The following SYPL1 variants were observed in gnomAD, a reference collection of about 807,000 sequenced individuals.
SYPL1 encodes the protein synaptophysin-like protein 1.
A neutral mutation model predicts 23.7 loss-of-function variants in SYPL1; 6 were observed. That is an observed-to-expected ratio of 0.25 (90% CI 0.14 to 0.50). SYPL1 has a LOEUF of 0.50. SYPL1 is among the 20% of genes least tolerant of loss of function. The probability of loss-of-function intolerance (pLI) is 0.98; values close to 1 mark genes in which losing one functional copy is unlikely to be tolerated. For missense variants in SYPL1, 253 were observed against 288.9 expected (o/e 0.88, Z 0.90); for synonymous variants, 102 against 104.5 (o/e 0.98, Z 0.15).
upstream of SYPL1, chr7:106,112,458 A>T (rs1321292373): frequency 2.0e-6 from 3 of 1,477,406 alleles, no homozygotes; most frequent in Non-Finnish European, 2.7e-6. Context: ...GGAGACCGGG[A>T]GGCTTCTCCT....
rs544488856 is a variant in SYPL1 at position 106,091,921 on chromosome 7, T to C, written c.610A>G (p.Met204Val). ...NVSVIFGFLN[M>V]ILWGGNAWFV... The stretch of plus-strand genomic sequence containing the variant: ...CAAGCATTTCCTCCCCAGAGTATCA[T>C]ATTTAGAAAGCCAAATATCTATGAA... The change falls in exon 5 of 5, where the codon ATG (methionine) becomes GTG (valine). Residue 204 changes from methionine to valine, a missense_variant. Physicochemically the swap from Met to Val is conservative, Grantham distance 21 (BLOSUM62 1). Coordinates refer to ENST00000455385, the MANE Select transcript of SYPL1 (RefSeq NM_182715.4). This position sits in a 1 kb window ranked among gnomAD's most constrained non-coding sequence, Gnocchi z 5.0. 6.2e-7 allele frequency: 1 copy of C among 1,611,498 alleles called. No homozygotes were observed.
At chr7:106,112,416 G>C, upstream of SYPL1, 1 of 1,408,324 alleles carries the variant, frequency 7.1e-7, no homozygotes, top group Middle Eastern at 2.4e-4. Flanking sequence ...AACGGAGTGG[G>C]GCGGCTGGGG....
rs1839988468 is a variant in SYPL1 at position 106,095,761 on chromosome 7, A to C, written c.402+1929T>G. 6.6e-6 allele frequency among the ~76,000 whole-genome samples: 1 copy of C among 152,222 alleles called. No homozygotes were observed. The highest frequency in any genetic ancestry group is 1.5e-5 in the Non-Finnish European group (1 of 68,044). The stretch of plus-strand genomic sequence containing the variant: ...AAGAAGCACCCATTATGTAACAATA[A>C]AAACCTACTTAAGGAATTTTGGATT... On this transcript the variant is annotated intron_variant, in intron 3 of 4. Coordinates refer to ENST00000455385, the MANE Select transcript of SYPL1 (RefSeq NM_182715.4). This position sits in a 1 kb window ranked among gnomAD's most constrained non-coding sequence, Gnocchi z 4.3.
intron 4 of SYPL1, 87 bp from the exon 5 acceptor site, chr7:106,092,026 T>C: frequency 7.6e-7 from 1 of 1,318,188 alleles, no homozygotes; most frequent in African/African-American, 1.5e-5. Flanking sequence ...TTTCTTTAAA[T>C]ATTTAACATT....
chr7:106,106,264 G>C (rs1272184461), intron 1 of SYPL1, among the ~76,000 whole-genome samples: 1 of 152,098 alleles, frequency 6.6e-6, no homozygotes, highest in Non-Finnish European at 1.5e-5. Context: ...AAAGACTCTG[G>C]AGGCTGGGCA....
At chr7:106,107,120 T>C (rs1840642679) in intron 1 of SYPL1, among the ~76,000 whole-genome samples, 1 of 152,210 alleles carries the variant, frequency 6.6e-6, no homozygotes, top group Non-Finnish European at 1.5e-5. Flanking sequence ...TGTATGAGTG[T>C]TTACATGCAA....
At position 106,091,939 on chromosome 7, in the gene SYPL1, T is replaced by G. The variant is rs749772936; in HGVS notation, c.592A>C (p.Ile198Leu). ...TSMGSLNVSV[I>L]FGFLNMILWG... Reference sequence around the variant, plus strand: ...AGTATCATATTTAGAAAGCCAAATATCTATGAAAGAGAAAAAGAAATATGA... The same window carrying G: ...AGTATCATATTTAGAAAGCCAAATAGCTATGAAAGAGAAAAAGAAATATGA... The change falls in exon 5 of 5, where the codon ATA becomes CTA. Residue 198 changes from isoleucine to leucine, a missense_variant and splice_region_variant. Transcript: ENST00000455385. This position sits in a 1 kb window ranked among gnomAD's most constrained non-coding sequence, Gnocchi z 5.0. 6.3e-7 allele frequency: 1 copy of G among 1,595,910 alleles called. No homozygotes were observed. The highest frequency in any genetic ancestry group is 1.4e-5 in the African/African-American group (1 of 73,856).
chr7:106,104,209 ACT>A lies in SYPL1; in HGVS notation c.70-4929_70-4928del, dbSNP rs1270830443. Among the ~76,000 whole-genome samples the A allele has an allele frequency of 6.6e-6, 1 of 152,060 alleles. No homozygotes were observed. Among genetic ancestry groups the A allele is most frequent in the Non-Finnish European group, 1.5e-5 (1 of 68,024 alleles). On this transcript the variant is annotated intron_variant, in intron 1 of 4. Coordinates refer to ENST00000455385, the MANE Select transcript of SYPL1 (RefSeq NM_182715.4). The surrounding 1 kb of genome is among the most constrained non-coding windows in gnomAD (Gnocchi z 4.1). ...TAGACATTAACTCTATTATATATGAACTCTACTATAGGCATTTTTCTTGTGTA... is the reference window on the plus strand; with the variant it reads ...TAGACATTAACTCTATTATATATGAACTACTATAGGCATTTTTCTTGTGTA...
chr7:106,103,421 C>G (rs1310424393), intron 1 of SYPL1, among the ~76,000 whole-genome samples: 2 of 152,192 alleles, frequency 1.3e-5, no homozygotes, highest in African/African-American at 4.8e-5. Flanking sequence ...TTGGGACTAA[C>G]CCAGCAGACT....
chr7:106,094,733 T>C (rs1237456701), intron 3 of SYPL1, among the ~76,000 whole-genome samples: 1 of 152,336 alleles, frequency 6.6e-6, no homozygotes, highest in South Asian at 2.1e-4. Flanking sequence ...CTTTGATCAA[T>C]ATATGTCAAA....
In SYPL1 at chr7:106,100,507, T is replaced by G. The variant is rs1280138843; in HGVS notation, c.70-1225A>C. Among the ~76,000 whole-genome samples, 1 of 152,226 alleles carries G rather than the reference T, an allele frequency of 6.6e-6. No homozygotes were observed. The highest frequency in any genetic ancestry group is 1.5e-5 in the Non-Finnish European group (1 of 68,040). The stretch of plus-strand genomic sequence containing the variant: ...TCTCAAAGGAAGATAAATAATTCCT[T>G]TTTATTTTTGTACTTGTGAATTTTC... On this transcript the variant is annotated intron_variant, in intron 1 of 4. Transcript: ENST00000455385. This position sits in a 1 kb window ranked among gnomAD's most constrained non-coding sequence, Gnocchi z 5.1.
At chr7:106,103,444 T>C (rs1414687096) in intron 1 of SYPL1, among the ~76,000 whole-genome samples, 2 of 152,200 alleles carry the variant, frequency 1.3e-5, no homozygotes, top group African/African-American at 4.8e-5. Context: ...TTCTCACATT[T>C]CCAATTTCAT....
At position 106,109,497 on chromosome 7, in the gene SYPL1, A is replaced by T. The variant is rs147092068; in HGVS notation, c.69+2643T>A. ...GTGATGCCAAGGCATTATTTCCCTC[A>T]ATTTTCCTAACCATTCCTTCTCTCC... On this transcript the variant is annotated intron_variant, in intron 1 of 4. Transcript: ENST00000455385. This position sits in a 1 kb window ranked among gnomAD's most constrained non-coding sequence, Gnocchi z 4.3. Among the ~76,000 whole-genome samples, 46 of 152,206 alleles carry T rather than the reference A, an allele frequency of 3.0e-4. No individual in the cohort carries two copies. Among genetic ancestry groups the T allele is most frequent in the African/African-American group, 1.0e-3 (42 of 41,512 alleles).
intron 1 of SYPL1, among the ~76,000 whole-genome samples, chr7:106,105,279 CT>C (rs1158173880): frequency 6.6e-6 from 1 of 151,740 alleles, no homozygotes. Context: ...TGAAGGAGTA[CT>C]GGTGTTCTGA....
rs1420578788 is a variant in SYPL1 at position 106,095,350 on chromosome 7, T to TC, written c.403-2214_403-2213insG. ...AATTTTGGGTATCTCAAAAAAAACC[T>TC]TTTTTTTTTTTTCCCCTGAGATGGA... On this transcript the variant is annotated intron_variant, in intron 3 of 4. Coordinates refer to ENST00000455385, the MANE Select transcript of SYPL1 (RefSeq NM_182715.4). This position sits in a 1 kb window ranked among gnomAD's most constrained non-coding sequence, Gnocchi z 4.3. Among the ~76,000 whole-genome samples, 1 of 134,650 alleles carries TC rather than the reference T, an allele frequency of 7.4e-6. No individual in the cohort carries two copies. The highest frequency in any genetic ancestry group is 7.3e-5 in the Admixed American group (1 of 13,774). The allele number at this position is 134,650 out of a possible 152,430, so 88.3% of individuals were successfully genotyped here. A position where few individuals can be genotyped will look rare whatever the true frequency, so the allele number is the denominator to read the frequency against.
intron 1 of SYPL1, among the ~76,000 whole-genome samples, chr7:106,101,071 T>C (rs1035262548): frequency 2.6e-5 from 4 of 152,160 alleles, no homozygotes; most frequent in Non-Finnish European, 5.9e-5. Flanking sequence ...TAGCTTCCTG[T>C]TCCAGTATGA....
chr7:106,101,438 GCCCCCCCCCCCCCCCCCCC>G (rs202082361), intron 1 of SYPL1, among the ~76,000 whole-genome samples: 1 of 132,180 alleles, frequency 7.6e-6, no homozygotes, highest in East Asian at 2.2e-4. Context: ...TTTCCCATCC[GCCCCCCCCCCCCCCCCCCC>G]CCCCCCCCCC....
Position 106,104,933 on chromosome 7 carries a change from G to A in SYPL1, c.70-5651C>T, listed in dbSNP as rs1167785249. ...CAGTATTACAAAAAAATGTGAATTT[G>A]TTGTCATTGTTTTAATATCAGGGTA... On this transcript the variant is annotated intron_variant, in intron 1 of 4. Transcript: ENST00000455385. This position sits in a 1 kb window ranked among gnomAD's most constrained non-coding sequence, Gnocchi z 4.1. Among the ~76,000 whole-genome samples, 1 of 152,128 alleles carries A rather than the reference G, an allele frequency of 6.6e-6. No individual in the cohort carries two copies. The highest frequency in any genetic ancestry group is 1.9e-4 in the East Asian group (1 of 5,198).
intron 3 of SYPL1, 22 bp from the exon 4 acceptor site, chr7:106,093,159 G>A: frequency 6.4e-7 from 1 of 1,551,512 alleles, no homozygotes. Context: ...ATCAGTAAGA[G>A]TTAATAATGA....
Sources: gnomAD v4.1 joint callset for allele counts (sites outside exome capture counted in the v4.1 genomes callset) on GRCh38, gnomAD v4.1.1 for gene constraint, Gnocchi (gnomAD v3.1) non-coding constraint, MANE v1.5 for transcripts, NCBI Gene and HGNC (gene_info 2026-07-23, HGNC 2026-07-21) for gene names.